The following TMPRSS15 variants were observed in gnomAD, a reference collection of about 807,000 sequenced individuals.
The protein encoded by TMPRSS15 is enteropeptidase.
TMPRSS15 carries 128 observed loss-of-function variants against 125.3 expected under a neutral mutation model. The ratio of observed to expected loss-of-function variants is 1.02; its 90% CI spans 0.89 to 1.18. The LOEUF (loss-of-function observed/expected upper bound fraction) is 1.18, where lower values mean the gene tolerates loss of function less well. TMPRSS15 is among the 50% of genes most tolerant of loss of function. TMPRSS15 has a pLI of 0.00. For synonymous variants in TMPRSS15, 446 were observed against 423.2 expected (o/e 1.05, Z -0.66); for missense variants, 1,283 against 1,212.7 (o/e 1.06, Z -0.86).
At position 18,359,883 on chromosome 21, in the gene TMPRSS15, T is replaced by C; in HGVS notation, c.774-20A>G. The C allele has an allele frequency of 1.7e-6, 2 of 1,185,650 alleles. No individual in the cohort carries two copies. The highest frequency in any genetic ancestry group is 1.3e-6 in the Non-Finnish European group (1 of 794,572). The allele number at this position is 1,185,650 out of a possible 1,614,324, so 73.4% of individuals were successfully genotyped here. A position where few individuals can be genotyped will look rare whatever the true frequency, so the allele number is the denominator to read the frequency against. On this transcript the variant is annotated intron_variant, in intron 7 of 24. Coordinates refer to ENST00000284885, the MANE Select transcript of TMPRSS15 (RefSeq NM_002772.3). ...TTTACACTAAATTAAAAGCAAAAAATAGATTACCAAATTTTTAACAGTTGT... is the reference window on the plus strand; with the variant it reads ...TTTACACTAAATTAAAAGCAAAAAACAGATTACCAAATTTTTAACAGTTGT...
Position 18,329,519 on chromosome 21 carries a change from T to G in TMPRSS15, c.1655-225A>C, listed in dbSNP as rs7364052. 4.7e-3 allele frequency among the ~76,000 whole-genome samples: 718 copies of G among 151,792 alleles called. 6 individuals carry two copies. The highest frequency in any genetic ancestry group is 0.017 in the African/African-American group (693 of 41,512). On this transcript the variant is annotated intron_variant, in intron 14 of 24. Transcript: ENST00000284885. The stretch of plus-strand genomic sequence containing the variant: ...ATTTATAGTAACATTTCAATTAAAT[T>G]TGAAATTAGTATAATTGATATTTTT...
At chr21:18,392,186 T>C (rs67504159) in intron 3 of TMPRSS15, among the ~76,000 whole-genome samples, 40,228 of 152,172 alleles carry the variant, frequency 0.26, 5,587 homozygotes, top group East Asian at 0.48. Context: ...TCATTACTTA[T>C]GCAAATTTCT....
rs138221037 is a variant in TMPRSS15, at chr21:18,343,504, A to C, written c.1428+2T>G. ...ATATAAATAATAAAGTATTTTGCAA[A>C]CCTTAAATTTAACTGTTTCATTTAG... On this transcript the variant is annotated splice_donor_variant, in intron 12 of 24. Coordinates refer to ENST00000284885, the MANE Select transcript of TMPRSS15 (RefSeq NM_002772.3). LOFTEE classifies it high-confidence loss of function. 752 of 1,606,144 alleles carry C rather than the reference A, an allele frequency of 4.7e-4. 3 individuals are homozygous for C. The highest frequency in any genetic ancestry group is 1.8e-3 in the Admixed American group (109 of 59,918).
intron 1 of TMPRSS15, among the ~76,000 whole-genome samples, chr21:18,422,788 T>A (rs568611621): frequency 9.2e-5 from 14 of 152,232 alleles, no homozygotes; most frequent in Admixed American, 2.6e-4. Flanking sequence ...GAATTCTGAT[T>A]TCATTCTTCA....
At chr21:18,389,401 C>T (rs1396668049) in intron 3 of TMPRSS15, among the ~76,000 whole-genome samples, 1 of 152,100 alleles carries the variant, frequency 6.6e-6, no homozygotes, top group Non-Finnish European at 1.5e-5. Flanking sequence ...ACCATCTCTA[C>T]ACTGATGAAG....
chr21:18,346,763 T>A (rs2075513619), intron 10 of TMPRSS15, among the ~76,000 whole-genome samples: 1 of 152,202 alleles, frequency 6.6e-6, no homozygotes, highest in South Asian at 2.1e-4. Flanking sequence ...CACTTCTAGC[T>A]CTCTGAGTCT....
intron 10 of TMPRSS15, 21 bp from the exon 11 acceptor site, chr21:18,344,081 AT>A: frequency 5.7e-6 from 9 of 1,582,774 alleles, no homozygotes; most frequent in Non-Finnish European, 6.9e-6. Flanking sequence ...ATCAAAAAAA[AT>A]TTATTTCACT....
intron 1 of TMPRSS15, among the ~76,000 whole-genome samples, chr21:18,461,984 G>C (rs1978559509): frequency 6.6e-6 from 1 of 152,064 alleles, no homozygotes; most frequent in Non-Finnish European, 1.5e-5. Context: ...TCACTTGTGA[G>C]ACTAATTTTA....
chr21:18,373,999 A>G lies in TMPRSS15; in HGVS notation c.533-1675T>C, dbSNP rs142758381. ...GGGAAATTGTTTATGTACAAATTAT[A>G]TTTTAAAGAGAGATTTAAAAAGTGC... is the stretch of plus-strand genomic sequence containing the variant. On this transcript the variant is annotated intron_variant, in intron 5 of 24. Transcript: ENST00000284885. Among the ~76,000 whole-genome samples, 566 of 152,350 alleles carry G rather than the reference A, an allele frequency of 3.7e-3. 5 individuals are homozygous for G. The highest frequency in any genetic ancestry group is 0.013 in the African/African-American group (530 of 41,568).
intron 13 of TMPRSS15, among the ~76,000 whole-genome samples, chr21:18,335,110 T>A (rs2075379543): frequency 6.6e-6 from 1 of 152,224 alleles, no homozygotes; most frequent in African/African-American, 2.4e-5. Flanking sequence ...ATGGCACATT[T>A]AATTTCAATA....
At chr21:18,286,689 C>T (rs942077883) in intron 21 of TMPRSS15, among the ~76,000 whole-genome samples, 10 of 152,220 alleles carry the variant, frequency 6.6e-5, no homozygotes, top group Admixed American at 3.3e-4. Context: ...ACGTTTGCTC[C>T]TCCCAGCAGT....
At chr21:18,351,615 G>T (rs1229774291) in intron 10 of TMPRSS15, among the ~76,000 whole-genome samples, 5 of 152,132 alleles carry the variant, frequency 3.3e-5, no homozygotes, top group Non-Finnish European at 7.4e-5. Context: ...CTTCTGCCAT[G>T]ATTATAAGTG....
At position 18,366,099 on chromosome 21, in the gene TMPRSS15, G is replaced by T. The variant is rs144805435; in HGVS notation, c.665-851C>A. The stretch of plus-strand genomic sequence containing the variant: ...ACTTTAAGTGTATTCTTCCATATTT[G>T]CAAGGAAATAAATATATCTGAATTG... On this transcript the variant is annotated intron_variant, in intron 6 of 24. Coordinates refer to ENST00000284885, the MANE Select transcript of TMPRSS15 (RefSeq NM_002772.3). Among the ~76,000 whole-genome samples, 5 of 152,160 alleles carry T rather than the reference G, an allele frequency of 3.3e-5. No homozygotes were observed. The East Asian group carries it at 5.8e-4, about 18-fold the overall frequency.
At chr21:18,381,483 T>C (rs1206424362) in intron 4 of TMPRSS15, among the ~76,000 whole-genome samples, 2 of 152,188 alleles carry the variant, frequency 1.3e-5, no homozygotes, top group Non-Finnish European at 2.9e-5. Context: ...GATATTAAAC[T>C]GAAATACCTA....
intron 3 of TMPRSS15, among the ~76,000 whole-genome samples, chr21:18,395,744 T>C (rs917921371): frequency 2.6e-5 from 4 of 152,168 alleles, no homozygotes; most frequent in African/African-American, 9.7e-5. Flanking sequence ...TAAATATCAA[T>C]GGACAATGTA....
intron 1 of TMPRSS15, among the ~76,000 whole-genome samples, chr21:18,462,638 A>G (rs1461300059): frequency 2.0e-5 from 3 of 152,158 alleles, no homozygotes; most frequent in Non-Finnish European, 2.9e-5. Flanking sequence ...AACATGGCCT[A>G]TGAAAAATAA....
At chr21:18,382,377 C>T (rs185239601) in intron 4 of TMPRSS15, among the ~76,000 whole-genome samples, 78 of 152,228 alleles carry the variant, frequency 5.1e-4, no homozygotes, top group African/African-American at 1.8e-3. Flanking sequence ...TCCAAACCAT[C>T]AGTAGAGGAA....
intron 1 of TMPRSS15, among the ~76,000 whole-genome samples, chr21:18,452,894 A>G (rs1978368342): frequency 6.6e-6 from 1 of 152,202 alleles, no homozygotes; most frequent in Non-Finnish European, 1.5e-5. Flanking sequence ...GGTAATAGGC[A>G]TATCCAACAT....
At chr21:18,361,566 C>T (rs2075680144) in intron 7 of TMPRSS15, among the ~76,000 whole-genome samples, 2 of 152,134 alleles carry the variant, frequency 1.3e-5, no homozygotes, top group African/African-American at 4.8e-5. Context: ...TTTAGGTTCA[C>T]CACCAGCAGT....
Sources: allele counts gnomAD v4.1 joint callset (sites outside exome capture counted in the v4.1 genomes callset), GRCh38; gene constraint gnomAD v4.1.1; transcripts MANE v1.5; gene names NCBI Gene and HGNC (gene_info 2026-07-23, HGNC 2026-07-21).